Variants in CDH4 observed in about 807,000 individuals in gnomAD.
CDH4 encodes the protein cadherin-4.
A neutral mutation model predicts 86.0 loss-of-function variants in CDH4; 33 were observed. The observed-to-expected ratio is 0.38, with a 90% CI of 0.29 to 0.51. The LOEUF is 0.51. Ranked by LOEUF, CDH4 falls within the 20% of genes least tolerant of loss-of-function variation. The pLI, the probability that CDH4 is intolerant of heterozygous loss-of-function variation, is 0.86. For synonymous variants in CDH4, 555 were observed against 549.4 expected, an observed-to-expected ratio of 1.01 and a Z score of -0.14; for missense variants, 1,114 against 1,307.4, an observed-to-expected ratio of 0.85 and a Z score of 2.28.
intron 3 of CDH4, among the ~76,000 whole-genome samples, chr20:61,762,563 T>G (rs931293053): frequency 6.6e-6 from 1 of 152,200 alleles, no homozygotes; most frequent in Admixed American, 6.5e-5. Flanking sequence ...TCTTCCTTGG[T>G]GGAATGGCTC....
rs997611258 is a variant in CDH4, at chr20:61,896,054, C to T, written c.1188+1007C>T. Among the ~76,000 whole-genome samples, 7 of 152,332 alleles carry T rather than the reference C, an allele frequency of 4.6e-5. No homozygotes were observed. The South Asian group carries it at 1.2e-3, about 27-fold the overall frequency. ...ACCACCATATCACCCCCTTCTCCCC[C>T]AGGCCTAGGCCCCCGCAGAGCTGTG... On this transcript the variant is annotated intron_variant, in intron 8 of 15. Transcript: ENST00000614565.
chr20:61,552,052 C>T (rs973409518), intron 2 of CDH4, among the ~76,000 whole-genome samples: 28 of 152,196 alleles, frequency 1.8e-4, no homozygotes, highest in African/African-American at 6.5e-4. Context: ...AGGTGTAAGT[C>T]TTTGTGACCC....
In CDH4 at chr20:61,623,588, G is replaced by C. The variant is rs990790201; in HGVS notation, c.170-119975G>C. ...TCATCAAGAGCTAGACCCAGCGGCC[G>C]TGTTGTCTTTCCTCTACATGAGCAT... On this transcript the variant is annotated intron_variant, in intron 2 of 15. Coordinates refer to ENST00000614565, the MANE Select transcript of CDH4 (RefSeq NM_001794.5). This position sits in a 1 kb window ranked among gnomAD's most constrained non-coding sequence, Gnocchi z 4.4. 2.0e-5 allele frequency among the ~76,000 whole-genome samples: 3 copies of C among 152,136 alleles called. 1 individual carries two copies. The highest frequency in any genetic ancestry group is 4.4e-5 in the Non-Finnish European group (3 of 68,026).
chr20:61,609,422 C>T (rs1600804228), intron 2 of CDH4, among the ~76,000 whole-genome samples: 1 of 152,186 alleles, frequency 6.6e-6, no homozygotes, highest in South Asian at 2.1e-4. Flanking sequence ...CTGCCTAGAT[C>T]TGCAGAAGGT....
intron 2 of CDH4, among the ~76,000 whole-genome samples, chr20:61,381,027 G>A (rs535716669): frequency 3.9e-5 from 6 of 152,272 alleles, no homozygotes; most frequent in East Asian, 1.9e-4. Flanking sequence ...GTCTGAATTC[G>A]GCAGATGGAA....
chr20:61,928,762 G>A (rs886555719), intron 12 of CDH4, among the ~76,000 whole-genome samples: 3 of 152,226 alleles, frequency 2.0e-5, no homozygotes, highest in Non-Finnish European at 2.9e-5. Context: ...TACTTCCCTG[G>A]ATGCAGATCT....
chr20:61,714,652 A>T (rs925877942), intron 2 of CDH4, among the ~76,000 whole-genome samples: 1 of 152,216 alleles, frequency 6.6e-6, no homozygotes, highest in African/African-American at 2.4e-5. Context: ...AAGTGAGGAC[A>T]TGGAATATTT....
At chr20:61,493,532 C>T (rs1025114410) in intron 2 of CDH4, among the ~76,000 whole-genome samples, 2 of 152,206 alleles carry the variant, frequency 1.3e-5, no homozygotes, top group African/African-American at 4.8e-5. Context: ...TGTGCCATTC[C>T]GGCTCTTCTC....
intron 2 of CDH4, among the ~76,000 whole-genome samples, chr20:61,638,156 AG>A (rs1272944967): frequency 6.6e-6 from 1 of 152,182 alleles, no homozygotes; most frequent in Non-Finnish European, 1.5e-5. Flanking sequence ...GACGAGTGGA[AG>A]GGGGCACACA....
intron 2 of CDH4, among the ~76,000 whole-genome samples, chr20:61,365,775 C>T (rs1374466033): frequency 6.6e-6 from 1 of 152,066 alleles, no homozygotes; most frequent in African/African-American, 2.4e-5. Context: ...AGACAGTAAC[C>T]AAGCTCACTG....
chr20:61,700,035 T>C (rs941240181), intron 2 of CDH4, among the ~76,000 whole-genome samples: 2 of 152,146 alleles, frequency 1.3e-5, no homozygotes, highest in African/African-American at 4.8e-5. Flanking sequence ...CGTGCAGGCG[T>C]GCACTCGGAA....
At chr20:61,654,489 GA>G (rs2145821687) in intron 2 of CDH4, among the ~76,000 whole-genome samples, 1 of 152,292 alleles carries the variant, frequency 6.6e-6, no homozygotes, top group East Asian at 1.9e-4. Flanking sequence ...TTTAATTGTT[GA>G]TTAGTTGTGT....
rs536803711 is a variant in CDH4 at position 61,505,519 on chromosome 20, C to G, written c.170-238044C>G. 9.2e-5 allele frequency among the ~76,000 whole-genome samples: 14 copies of G among 152,304 alleles called. No individual in the cohort carries two copies. The South Asian group carries it at 2.9e-3, about 32-fold the overall frequency. On this transcript the variant is annotated intron_variant, in intron 2 of 15. Transcript: ENST00000614565. ...GAGGAGGCGGCACTGGGCTTTGGGA[C>G]TATGCAGGGGGCCCCAGTGTCAGTG...
intron 4 of CDH4, among the ~76,000 whole-genome samples, chr20:61,832,763 C>T (rs921836953): frequency 7.2e-5 from 11 of 152,120 alleles, no homozygotes; most frequent in African/African-American, 2.2e-4. Flanking sequence ...AGATGAGATT[C>T]GGGTGGGGAC....
At chr20:61,286,206 G>C (rs779502835) in intron 2 of CDH4, among the ~76,000 whole-genome samples, 15 of 152,348 alleles carry the variant, frequency 9.8e-5, no homozygotes, top group Non-Finnish European at 2.1e-4. Context: ...TCCCAGATCT[G>C]GCCCCGCTTT....
In CDH4 at chr20:61,265,207, A is replaced by G. The variant is rs900429940; in HGVS notation, c.169+10270A>G. Among the ~76,000 whole-genome samples, 6 of 145,124 alleles carry G rather than the reference A, an allele frequency of 4.1e-5. No individual in the cohort carries two copies. The East Asian group carries it at 1.0e-3, about 25-fold the overall frequency. The stretch of plus-strand genomic sequence containing the variant: ...CTCAGTGGCTCCTTCATTCAATCTT[A>G]CTCATATCTCAGTGGCTCCTTCATT... On this transcript the variant is annotated intron_variant, in intron 2 of 15. Transcript: ENST00000614565.
At chr20:61,504,855 G>C (rs772563096) in intron 2 of CDH4, among the ~76,000 whole-genome samples, 1 of 152,188 alleles carries the variant, frequency 6.6e-6, no homozygotes, top group African/African-American at 2.4e-5. Context: ...TTCCATACCC[G>C]TACACGCGTC....
intron 2 of CDH4, among the ~76,000 whole-genome samples, chr20:61,612,114 T>C (rs1220535684): frequency 6.6e-6 from 1 of 151,714 alleles, no homozygotes; most frequent in East Asian, 1.9e-4. Flanking sequence ...CATAAAAATG[T>C]GCATATTTTC....
rs2084878585 is a variant in CDH4, at chr20:61,377,449, G to A, written c.169+122512G>A. Among the ~76,000 whole-genome samples, 1 of 152,154 alleles carries A rather than the reference G, an allele frequency of 6.6e-6. No individual in the cohort carries two copies. Among genetic ancestry groups the A allele is most frequent in the Non-Finnish European group, 1.5e-5 (1 of 68,040 alleles). ...TTCATCCTCTCTCCACCTCCCTGGT[G>A]CCTTTCCTGAGTGTAAAACCCTCCA... is the stretch of plus-strand genomic sequence containing the variant. On this transcript the variant is annotated intron_variant, in intron 2 of 15. Coordinates refer to ENST00000614565, the MANE Select transcript of CDH4 (RefSeq NM_001794.5). The surrounding 1 kb of genome is among the most constrained non-coding windows in gnomAD (Gnocchi z 4.0).
Sources: allele counts gnomAD v4.1 joint callset (sites outside exome capture counted in the v4.1 genomes callset), GRCh38; gene constraint gnomAD v4.1.1; non-coding constraint Gnocchi (gnomAD v3.1); transcripts MANE v1.5; gene names NCBI Gene and HGNC (gene_info 2026-07-23, HGNC 2026-07-21).